GPHN: variants seen among roughly 807,000 people sequenced by gnomAD.
The protein encoded by GPHN is gephyrin.
A neutral mutation model predicts 95.5 loss-of-function variants in GPHN; 17 were observed. The observed-to-expected ratio is 0.18, with a 90% CI of 0.12 to 0.27. The LOEUF (loss-of-function observed/expected upper bound fraction) is 0.27. Ranked by LOEUF, GPHN falls within the 10% of genes least tolerant of loss-of-function variation. The pLI is 1.00. For synonymous variants in GPHN, 320 were observed against 322.5 expected (o/e 0.99, Z 0.08); for missense variants, 660 against 978.1 (o/e 0.67, Z 4.34).
At chr14:66,698,843 A>G (rs1021147722) in intron 2 of GPHN, among the ~76,000 whole-genome samples, 2 of 152,234 alleles carry the variant, frequency 1.3e-5, no homozygotes, top group African/African-American at 4.8e-5. Context: ...CCCTCCATAT[A>G]TGCGGGTTTT....
At chr14:67,039,896 C>G (rs779408787) in intron 10 of GPHN, among the ~76,000 whole-genome samples, 7 of 152,166 alleles carry the variant, frequency 4.6e-5, no homozygotes, top group Non-Finnish European at 8.8e-5. Flanking sequence ...TACAACCGTT[C>G]TACTTTGTCA....
intron 11 of GPHN, among the ~76,000 whole-genome samples, chr14:67,088,063 A>G (rs75462322): frequency 0.019 from 2,927 of 152,326 alleles, 38 homozygotes; most frequent in Middle Eastern, 0.034. Flanking sequence ...ACAAAAGGTT[A>G]CTAGTGCTCT....
intron 1 of GPHN, among the ~76,000 whole-genome samples, chr14:66,604,542 T>TTG (rs1256178238): frequency 6.6e-6 from 1 of 152,126 alleles, no homozygotes; most frequent in African/African-American, 2.4e-5. Flanking sequence ...AAATATAAAC[T>TTG]TGTAAGTTCC....
chr14:67,460,238 T>C, the GPHN span, among the ~76,000 whole-genome samples: 1 of 152,074 alleles, frequency 6.6e-6, no homozygotes, highest in Non-Finnish European at 1.5e-5. Context: ...TGTGGTGTCA[T>C]GGGAGGAGTC....
the GPHN span, chr14:67,224,050 C>T: frequency 1.1e-6 from 1 of 913,540 alleles, no homozygotes; most frequent in South Asian, 5.0e-5. Context: ...TTCACATTCA[C>T]CCAGCAATGC....
chr14:67,161,410 T>C (rs1286551584), intron 19 of GPHN, among the ~76,000 whole-genome samples: 2 of 151,882 alleles, frequency 1.3e-5, no homozygotes, highest in Non-Finnish European at 2.9e-5. Flanking sequence ...GCAGTACTAA[T>C]CTGATTAGGA....
the GPHN span, among the ~76,000 whole-genome samples, chr14:67,459,512 C>T: frequency 6.6e-6 from 1 of 152,202 alleles, no homozygotes; most frequent in African/African-American, 2.4e-5. Context: ...AGATTAGAGA[C>T]CTATTTAAAG....
the GPHN span, chr14:67,685,251 G>A: frequency 6.6e-7 from 1 of 1,523,988 alleles, no homozygotes; most frequent in Admixed American, 1.9e-5. Flanking sequence ...ACTTGATTTT[G>A]CAGAATAGCC....
At chr14:67,121,600 A>G (rs2079012625) in intron 16 of GPHN, among the ~76,000 whole-genome samples, 1 of 152,204 alleles carries the variant, frequency 6.6e-6, no homozygotes. Context: ...TCATTGGAAC[A>G]TCCTAAGGTA....
At chr14:67,203,361 C>T in the GPHN span, 31 of 1,301,980 alleles carry the variant, frequency 2.4e-5, no homozygotes, top group African/African-American at 2.1e-4. Context: ...GATCTGAAAA[C>T]GGAAACACTG....
chr14:67,675,536 T>C, the GPHN span, among the ~76,000 whole-genome samples: 1 of 151,928 alleles, frequency 6.6e-6, no homozygotes, highest in Non-Finnish European at 1.5e-5. Flanking sequence ...GACCTCGAAA[T>C]ACTCTAGCTG....
At chr14:67,381,355 C>T in the GPHN span, among the ~76,000 whole-genome samples, 2 of 151,948 alleles carry the variant, frequency 1.3e-5, no homozygotes, top group Non-Finnish European at 2.9e-5. Context: ...AGTAGAATTT[C>T]TGAGTCAAAG....
chr14:66,617,774 T>G (rs1217730157), intron 1 of GPHN, among the ~76,000 whole-genome samples: 1 of 152,220 alleles, frequency 6.6e-6, no homozygotes, highest in Non-Finnish European at 1.5e-5. Flanking sequence ...GTTTATTTTC[T>G]TCTTTGAAAG....
intron 2 of GPHN, among the ~76,000 whole-genome samples, chr14:66,732,421 C>T (rs538891354): frequency 6.6e-6 from 1 of 152,368 alleles, no homozygotes; most frequent in Non-Finnish European, 1.5e-5. Context: ...TTAGAACTTG[C>T]ATGGGGCCTG....
chr14:67,118,718 C>G (rs532269256), intron 16 of GPHN, among the ~76,000 whole-genome samples: 5 of 151,064 alleles, frequency 3.3e-5, no homozygotes, highest in Non-Finnish European at 7.4e-5. Flanking sequence ...GGCGACAGAG[C>G]GAGACTCCGT....
the GPHN span, among the ~76,000 whole-genome samples, chr14:67,318,924 G>A: frequency 6.6e-6 from 1 of 152,132 alleles, no homozygotes; most frequent in Non-Finnish European, 1.5e-5. Context: ...CAGGCGTGAT[G>A]GCGGGTGCCT....
chr14:66,748,449 A>C (rs984479765), intron 2 of GPHN, among the ~76,000 whole-genome samples: 4 of 151,944 alleles, frequency 2.6e-5, no homozygotes, highest in Non-Finnish European at 5.9e-5. Flanking sequence ...GCACCCTTAC[A>C]TGCATAGCCT....
At chr14:67,254,659 T>G in the GPHN span, among the ~76,000 whole-genome samples, 1 of 152,238 alleles carries the variant, frequency 6.6e-6, no homozygotes, top group East Asian at 1.9e-4. Context: ...TGAGTCCTTA[T>G]TAGTTCTGAT....
the GPHN span, among the ~76,000 whole-genome samples, chr14:67,205,492 T>C: frequency 1.1e-4 from 17 of 152,300 alleles, no homozygotes; most frequent in Admixed American, 1.0e-3. Flanking sequence ...TTTAAAAATA[T>C]ATAGCAGTAC....
Sources: allele counts gnomAD v4.1 joint callset (sites outside exome capture counted in the v4.1 genomes callset), GRCh38; gene constraint gnomAD v4.1.1; transcripts MANE v1.5; gene names NCBI Gene and HGNC (gene_info 2026-07-23, HGNC 2026-07-21).